SPAG16: variants seen among roughly 807,000 people sequenced by gnomAD.
SPAG16 encodes sperm-associated antigen 16 protein.
Under a neutral mutation model 80.4 loss-of-function variants are expected in SPAG16, and 86 were observed. That is an observed-to-expected ratio of 1.07 (90% CI 0.90 to 1.28). The LOEUF (loss-of-function observed/expected upper bound fraction) is 1.28. Among genes scored for constraint, SPAG16 ranks in the 50% most tolerant of loss-of-function variants. SPAG16 has a pLI of 0.00. For missense variants in SPAG16, 870 were observed against 765.3 expected, an observed-to-expected ratio of 1.14 and a Z score of -1.61; for synonymous variants, 294 against 265.9, an observed-to-expected ratio of 1.11 and a Z score of -1.03.
chr2:213,969,247 G>A (rs1404395114), intron 12 of SPAG16, among the ~76,000 whole-genome samples: 1 of 152,170 alleles, frequency 6.6e-6, no homozygotes, highest in African/African-American at 2.4e-5. Flanking sequence ...GTTTAGTGGG[G>A]AGCTGTTAGA....
chr2:213,749,582 T>C (rs958464563), intron 10 of SPAG16, among the ~76,000 whole-genome samples: 2 of 152,212 alleles, frequency 1.3e-5, no homozygotes, highest in Non-Finnish European at 2.9e-5. Flanking sequence ...TTTATGGTTC[T>C]TCACTTGAAA....
chr2:213,511,492 A>G (rs1275790300), intron 10 of SPAG16, among the ~76,000 whole-genome samples: 1 of 152,162 alleles, frequency 6.6e-6, no homozygotes, highest in African/African-American at 2.4e-5. Flanking sequence ...ATTCAATTTA[A>G]GAAAATAAAT....
intron 15 of SPAG16, among the ~76,000 whole-genome samples, chr2:214,399,114 A>G (rs1701565269): frequency 1.3e-5 from 2 of 152,164 alleles, no homozygotes; most frequent in African/African-American, 2.4e-5. Context: ...ATATAGTGAC[A>G]TATATAAAAT....
At chr2:213,594,591 C>T (rs189703407) in intron 10 of SPAG16, among the ~76,000 whole-genome samples, 1 of 152,290 alleles carries the variant, frequency 6.6e-6, no homozygotes, top group African/African-American at 2.4e-5. Context: ...TCATTGCCCC[C>T]TGAAAATTTC....
chr2:214,088,521 A>T (rs952939978), intron 13 of SPAG16, among the ~76,000 whole-genome samples: 1 of 152,178 alleles, frequency 6.6e-6, no homozygotes, highest in Admixed American at 6.6e-5. Flanking sequence ...TACATTAGCC[A>T]TACTAAACAA....
chr2:214,265,254 C>G (rs1184590191), intron 15 of SPAG16, among the ~76,000 whole-genome samples: 1 of 152,076 alleles, frequency 6.6e-6, no homozygotes, highest in Non-Finnish European at 1.5e-5. Flanking sequence ...GCTCCACATT[C>G]TCACCAGGAT....
intron 13 of SPAG16, among the ~76,000 whole-genome samples, chr2:214,072,831 G>A (rs1017289074): frequency 3.3e-5 from 5 of 152,118 alleles, no homozygotes; most frequent in Admixed American, 1.3e-4. Context: ...AATAGGACAG[G>A]ACAAACATCA....
At chr2:214,035,208 G>A (rs567536373) in intron 13 of SPAG16, among the ~76,000 whole-genome samples, 15 of 152,210 alleles carry the variant, frequency 9.9e-5, no homozygotes, top group African/African-American at 3.6e-4. Context: ...GGCCTCAGAG[G>A]GGAGGAAGTG....
chr2:213,756,336 A>C (rs1159560021), intron 10 of SPAG16, among the ~76,000 whole-genome samples: 1 of 152,130 alleles, frequency 6.6e-6, no homozygotes, highest in Non-Finnish European at 1.5e-5. Context: ...TAAATAAATA[A>C]AAATTAGCCA....
At chr2:213,819,508 T>C (rs888454490) in intron 10 of SPAG16, among the ~76,000 whole-genome samples, 1 of 152,206 alleles carries the variant, frequency 6.6e-6, no homozygotes, top group Non-Finnish European at 1.5e-5. Context: ...TCAATTAATA[T>C]TTGTTGTGAG....
At chr2:213,786,023 T>C (rs2070322127) in intron 10 of SPAG16, among the ~76,000 whole-genome samples, 1 of 151,946 alleles carries the variant, frequency 6.6e-6, no homozygotes, top group Non-Finnish European at 1.5e-5. Context: ...AAAAAAAGAA[T>C]TTTATATATA....
chr2:213,753,104 C>T (rs2662643), intron 10 of SPAG16, among the ~76,000 whole-genome samples: 59,379 of 151,954 alleles, frequency 0.39, 12,426 homozygotes, highest in East Asian at 0.61. Context: ...GCTCCACCTC[C>T]CAGGTTCATG....
intron 10 of SPAG16, among the ~76,000 whole-genome samples, chr2:213,517,342 C>T (rs2075469283): frequency 6.6e-6 from 1 of 152,168 alleles, no homozygotes; most frequent in South Asian, 2.1e-4. Flanking sequence ...ATTCCATGTT[C>T]ATGGCTTGGA....
chr2:214,017,129 C>A (rs1199122004), intron 13 of SPAG16, among the ~76,000 whole-genome samples: 3 of 152,108 alleles, frequency 2.0e-5, no homozygotes, highest in Admixed American at 1.3e-4. Flanking sequence ...GAGATTTAAA[C>A]TTCTGAGGAA....
rs16850605 is a variant in SPAG16 at position 213,649,213 on chromosome 2, C to A, written c.1070+159123C>A. 8.4e-3 allele frequency among the ~76,000 whole-genome samples: 1,282 copies of A among 152,194 alleles called. 9 individuals carry two copies. The highest frequency in any genetic ancestry group is 0.014 in the Non-Finnish European group (963 of 68,004). ...ATTTTGAATAATGAATTTTGTGACA[C>A]CTGACCTACTAACAGTTGGCAGGAT... On this transcript the variant is annotated intron_variant, in intron 10 of 15. Transcript: ENST00000331683.
At chr2:213,608,383 C>G (rs970927347) in intron 10 of SPAG16, among the ~76,000 whole-genome samples, 3 of 152,050 alleles carry the variant, frequency 2.0e-5, no homozygotes, top group Non-Finnish European at 4.4e-5. Context: ...TCCATGTGTT[C>G]TCATTGTTCA....
At chr2:214,377,523 T>TAACA in intron 15 of SPAG16, among the ~76,000 whole-genome samples, 1 of 152,360 alleles carries the variant, frequency 6.6e-6, no homozygotes, top group East Asian at 1.9e-4. Context: ...ATTTTCTTAA[T>TAACA]AACATTTTCT....
At chr2:213,355,384 T>A (rs2065581531) in intron 7 of SPAG16, among the ~76,000 whole-genome samples, 2 of 149,008 alleles carry the variant, frequency 1.3e-5, no homozygotes, top group African/African-American at 4.9e-5. Context: ...AAAGTAGTTT[T>A]CTCTAACTCT....
chr2:213,597,919 T>C lies in SPAG16; in HGVS notation c.1070+107829T>C, dbSNP rs113387097. ...GGCTTTCTCTGAGGCTCTCCCTTTT[T>C]CAATTTTGGAAAGATTAACTGAGAA... is the stretch of plus-strand genomic sequence containing the variant. On this transcript the variant is annotated intron_variant, in intron 10 of 15. Transcript: ENST00000331683. Among the ~76,000 whole-genome samples, 257 of 152,274 alleles carry C rather than the reference T, an allele frequency of 1.7e-3. 3 individuals carry two copies. The highest frequency in any genetic ancestry group is 5.1e-3 in the African/African-American group (212 of 41,548).
Sources: gnomAD v4.1 joint callset for allele counts (sites outside exome capture counted in the v4.1 genomes callset) on GRCh38, gnomAD v4.1.1 for gene constraint, MANE v1.5 for transcripts, NCBI Gene and HGNC (gene_info 2026-07-23, HGNC 2026-07-21) for gene names.